SLC39A11: variants seen among roughly 807,000 people sequenced by gnomAD.
SLC39A11 encodes the protein zinc transporter ZIP11.
SLC39A11 carries 33 observed loss-of-function variants against 36.1 expected under a neutral mutation model. The ratio of observed to expected loss-of-function variants is 0.91; its 90% CI spans 0.69 to 1.22. SLC39A11 has a LOEUF of 1.22. SLC39A11 is among the 50% of genes most tolerant of loss of function. The pLI is 0.00. For missense variants in SLC39A11, 432 were observed against 430.3 expected (o/e 1.00, Z -0.03); for synonymous variants, 166 against 170.3 (o/e 0.97, Z 0.20).
chr17:73,070,034 C>A (rs1361282364), intron 3 of SLC39A11, among the ~76,000 whole-genome samples: 1 of 152,218 alleles, frequency 6.6e-6, no homozygotes, highest in African/African-American at 2.4e-5. Context: ...ATGACTCCCA[C>A]AAGTCTCTGC....
At chr17:72,911,159 A>G (rs921294803) in intron 5 of SLC39A11, among the ~76,000 whole-genome samples, 5 of 152,104 alleles carry the variant, frequency 3.3e-5, no homozygotes, top group African/African-American at 1.2e-4. Flanking sequence ...TGCCTCCACC[A>G]TACGGATTTA....
chr17:72,747,175 C>A (rs1167559059), intron 6 of SLC39A11, among the ~76,000 whole-genome samples: 1 of 152,114 alleles, frequency 6.6e-6, no homozygotes, highest in Non-Finnish European at 1.5e-5. Context: ...GCTGGACAAG[C>A]TCAGATTTAT....
At chr17:73,044,485 G>C (rs760484830) in intron 3 of SLC39A11, among the ~76,000 whole-genome samples, 5 of 152,198 alleles carry the variant, frequency 3.3e-5, no homozygotes, top group Non-Finnish European at 7.3e-5. Context: ...AAGCACAAGG[G>C]TATGCAAAAC....
intron 4 of SLC39A11, among the ~76,000 whole-genome samples, chr17:72,950,553 G>A (rs977891331): frequency 2.6e-5 from 4 of 152,168 alleles, no homozygotes; most frequent in African/African-American, 4.8e-5. Context: ...GCTGACATCC[G>A]AGGAATCACT....
chr17:72,815,291 T>A (rs759307792), intron 6 of SLC39A11, among the ~76,000 whole-genome samples: 1 of 152,210 alleles, frequency 6.6e-6, no homozygotes, highest in Non-Finnish European at 1.5e-5. Context: ...CAAGCTGTTA[T>A]GATTTCACCC....
At chr17:73,076,232 G>A (rs1486818754) in intron 3 of SLC39A11, among the ~76,000 whole-genome samples, 3 of 150,304 alleles carry the variant, frequency 2.0e-5, no homozygotes, top group African/African-American at 7.3e-5. Context: ...GACTTGGAGA[G>A]TAATTTAAGG....
intron 2 of SLC39A11, 100 bp downstream of exon 2, chr17:73,088,557 G>T: frequency 1.2e-6 from 1 of 862,076 alleles, no homozygotes; most frequent in Non-Finnish European, 1.9e-6. Flanking sequence ...GTGTGGCCAG[G>T]GGCACTGAAA....
At chr17:72,889,648 C>T (rs1163884388) in intron 5 of SLC39A11, among the ~76,000 whole-genome samples, 1 of 152,202 alleles carries the variant, frequency 6.6e-6, no homozygotes, top group Admixed American at 6.5e-5. Context: ...GTTGCATTCA[C>T]AAGAAACGCT....
chr17:72,789,205 C>G (rs11871033), intron 6 of SLC39A11, among the ~76,000 whole-genome samples: 1 of 151,934 alleles, frequency 6.6e-6, no homozygotes, highest in Non-Finnish European at 1.5e-5. Flanking sequence ...CGGCTAATTT[C>G]TGTGTTTTTA....
chr17:73,017,691 C>A (rs1344739052), intron 4 of SLC39A11, among the ~76,000 whole-genome samples: 1 of 151,938 alleles, frequency 6.6e-6, no homozygotes, highest in Non-Finnish European at 1.5e-5. Flanking sequence ...CCAGCCTGGG[C>A]AATATAGACT....
chr17:72,743,324 T>C (rs2074793187), intron 6 of SLC39A11, among the ~76,000 whole-genome samples: 1 of 152,170 alleles, frequency 6.6e-6, no homozygotes, highest in Non-Finnish European at 1.5e-5. Flanking sequence ...AACACTGGCA[T>C]CTGAGTCTCT....
At chr17:72,917,753 C>G (rs1287747332) in intron 5 of SLC39A11, among the ~76,000 whole-genome samples, 2 of 152,156 alleles carry the variant, frequency 1.3e-5, no homozygotes, top group Admixed American at 1.3e-4. Context: ...ATCTAACATG[C>G]TAAGTGTCCA....
intron 5 of SLC39A11, among the ~76,000 whole-genome samples, chr17:72,920,430 C>T (rs1395746696): frequency 6.6e-6 from 1 of 151,574 alleles, no homozygotes; most frequent in Non-Finnish European, 1.5e-5. Flanking sequence ...CAGGCAGTGA[C>T]ACCTGCTGGG....
chr17:72,932,309 T>G lies in SLC39A11; in HGVS notation c.430+15443A>C, dbSNP rs145228493. On this transcript the variant is annotated intron_variant, in intron 5 of 9. Transcript: ENST00000255559. ...CCTGTTCTTTTATTATTATTATTAT[T>G]ATACTTTAAGTTCTGGGTTACATGT... Among the ~76,000 whole-genome samples, 100 of 151,498 alleles carry G rather than the reference T, an allele frequency of 6.6e-4. 1 individual carries two copies. Among genetic ancestry groups the G allele is most frequent in the African/African-American group, 2.3e-3 (94 of 40,838 alleles).
At chr17:72,913,097 A>G (rs74986602) in intron 5 of SLC39A11, among the ~76,000 whole-genome samples, 5,686 of 152,252 alleles carry the variant, frequency 0.037, 351 homozygotes, top group African/African-American at 0.13. Flanking sequence ...AAATGTCCAG[A>G]ATATAATATG....
chr17:72,879,038 T>C (rs2081059167), intron 5 of SLC39A11, among the ~76,000 whole-genome samples: 2 of 152,198 alleles, frequency 1.3e-5, no homozygotes, highest in South Asian at 2.1e-4. Context: ...TTTTAAAGGA[T>C]ACAGATGAAC....
intron 7 of SLC39A11, among the ~76,000 whole-genome samples, chr17:72,656,062 G>T (rs1460409092): frequency 1.3e-5 from 2 of 152,174 alleles, no homozygotes; most frequent in Non-Finnish European, 2.9e-5. Flanking sequence ...TCCTGGGCAG[G>T]TGGGGTTGGT....
intron 5 of SLC39A11, among the ~76,000 whole-genome samples, chr17:72,904,539 G>A (rs2082553518): frequency 1.3e-5 from 2 of 152,294 alleles, no homozygotes; most frequent in South Asian, 4.1e-4. Flanking sequence ...GCCACTCTGA[G>A]GAATGTGGTG....
intron 5 of SLC39A11, among the ~76,000 whole-genome samples, chr17:72,862,783 A>G (rs1056787492): frequency 2.0e-5 from 3 of 152,220 alleles, no homozygotes; most frequent in Admixed American, 2.0e-4. Context: ...ATTATCCTCA[A>G]TTCAACCCTG....
Sources: allele counts gnomAD v4.1 joint callset (sites outside exome capture counted in the v4.1 genomes callset), GRCh38; gene constraint gnomAD v4.1.1; transcripts MANE v1.5; gene names NCBI Gene and HGNC (gene_info 2026-07-23, HGNC 2026-07-21).